Variants in GNG7 observed in about 807,000 individuals in gnomAD.
GNG7 encodes G protein subunit gamma 7.
In GNG7, 1 loss-of-function variant was observed where a neutral mutation model predicts 4.0. The ratio of observed to expected loss-of-function variants is 0.25; its 90% confidence interval spans 0.09 to 1.18. The LOEUF (loss-of-function observed/expected upper bound fraction) is 1.18, where lower values mean the gene tolerates loss of function less well. GNG7 is among the 50% of genes most tolerant of loss of function. The pLI is 0.50. For synonymous variants in GNG7, 34 were observed against 36.9 expected (o/e 0.92, Z 0.29); for missense variants, 86 against 91.9 (o/e 0.94, Z 0.26).
rs938145487 is a variant in GNG7, at chr19:2,546,751, G to A, written c.-38+8398C>T. 3.9e-5 allele frequency among the ~76,000 whole-genome samples: 6 copies of A among 152,278 alleles called. No individual in the cohort carries two copies. The highest frequency in any genetic ancestry group is 3.9e-4 in the East Asian group (2 of 5,176). On this transcript the variant is annotated intron_variant, in intron 3 of 4. Coordinates refer to ENST00000382159, the MANE Select transcript of GNG7 (RefSeq NM_052847.3). The surrounding 1 kb of genome is among the most constrained non-coding windows in gnomAD (Gnocchi z 6.3). Reference sequence around the variant, plus strand: ...GTGTGGGTTTGGTCGCCGCGGTGACGGGAGCAGGAGAAAAGAAAAGCTGCT... The same window carrying A: ...GTGTGGGTTTGGTCGCCGCGGTGACAGGAGCAGGAGAAAAGAAAAGCTGCT...
At chr19:2,686,483 C>T (rs1291361213) in intron 1 of GNG7, among the ~76,000 whole-genome samples, 17 of 151,932 alleles carry the variant, frequency 1.1e-4, no homozygotes. Context: ...AAAAATGTTG[C>T]ATCTCAGGCA....
At chr19:2,591,963 G>A (rs1167919838) in intron 2 of GNG7, among the ~76,000 whole-genome samples, 2 of 152,278 alleles carry the variant, frequency 1.3e-5, no homozygotes, top group East Asian at 1.9e-4. Context: ...GGGGGAACTG[G>A]CATTTTCACT....
In GNG7 at chr19:2,557,320, CAT is replaced by C. The variant is rs200785949; in HGVS notation, c.-77-2134_-77-2133del. Among the ~76,000 whole-genome samples the C allele has an allele frequency of 0.013, 1,768 of 139,426 alleles. 94 individuals carry two copies. The highest frequency in any genetic ancestry group is 0.089 in the Admixed American group (1,228 of 13,854). The allele number at this position is 139,426 out of a possible 152,430, so 91.5% of individuals were successfully genotyped here. ...AGGTGCACATACACGCACAGACACA[CAT>C]GTGCACACAGACACACACATGTGCA... is the stretch of plus-strand genomic sequence containing the variant. On this transcript the variant is annotated intron_variant, in intron 2 of 4. Transcript: ENST00000382159. This position sits in a 1 kb window ranked among gnomAD's most constrained non-coding sequence, Gnocchi z 5.1.
chr19:2,701,900 A>G (rs1913409965), intron 1 of GNG7, among the ~76,000 whole-genome samples: 1 of 139,950 alleles, frequency 7.1e-6, no homozygotes, highest in Admixed American at 7.2e-5. Flanking sequence ...CTCGACCTAC[A>G]ATTCCAGCCC....
At chr19:2,538,021 G>A in intron 3 of GNG7, 1 of 410,468 alleles carries the variant, frequency 2.4e-6, no homozygotes. Context: ...AGGCTGTAGT[G>A]AGCTATGATT....
At chr19:2,524,795 T>C (rs572834302) in intron 3 of GNG7, among the ~76,000 whole-genome samples, 12 of 152,358 alleles carry the variant, frequency 7.9e-5, no homozygotes, top group African/African-American at 2.9e-4. Flanking sequence ...TGTGTGGGCA[T>C]GCATGTCACT....
chr19:2,609,844 C>T lies in GNG7; in HGVS notation c.-78+36380G>A, dbSNP rs1013439458. Reference sequence around the variant, plus strand: ...TGCCTCTGGGCCATTGGGGGACCCTCGGTGAGCCAGTGAACTCAGTGCACT... The same window carrying T: ...TGCCTCTGGGCCATTGGGGGACCCTTGGTGAGCCAGTGAACTCAGTGCACT... On this transcript the variant is annotated intron_variant, in intron 2 of 4. Transcript: ENST00000382159. The surrounding 1 kb of genome is among the most constrained non-coding windows in gnomAD (Gnocchi z 4.4). Among the ~76,000 whole-genome samples, 15 of 152,178 alleles carry T rather than the reference C, an allele frequency of 9.9e-5. No individual in the cohort carries two copies. Among genetic ancestry groups the T allele is most frequent in the African/African-American group, 2.7e-4 (11 of 41,434 alleles).
intron 1 of GNG7, among the ~76,000 whole-genome samples, chr19:2,678,796 A>C (rs970103201): frequency 1.3e-4 from 20 of 151,868 alleles, no homozygotes; most frequent in African/African-American, 4.8e-4. Context: ...CCAGGTCTAC[A>C]CCCCATGCCA....
intron 1 of GNG7, among the ~76,000 whole-genome samples, chr19:2,675,504 G>A (rs774663429): frequency 2.0e-5 from 3 of 152,182 alleles, no homozygotes; most frequent in Non-Finnish European, 4.4e-5. Flanking sequence ...TAGCAAACCA[G>A]GCTGGTTAAA....
At chr19:2,515,570 T>C (rs1430294512) in intron 4 of GNG7, among the ~76,000 whole-genome samples, 2 of 151,970 alleles carry the variant, frequency 1.3e-5, no homozygotes, top group East Asian at 3.9e-4. Flanking sequence ...TGGGATTACC[T>C]TCATGCACCA....
intron 2 of GNG7, among the ~76,000 whole-genome samples, chr19:2,628,477 C>CCCCTT (rs1202160824): frequency 4.6e-5 from 7 of 151,776 alleles, no homozygotes; most frequent in Non-Finnish European, 1.0e-4. Flanking sequence ...AGGCAAGAAA[C>CCCCTT]CCCTTCCCTT....
rs559058939 is a variant in GNG7, at chr19:2,653,266, G to A, written c.-134-6986C>T. Among the ~76,000 whole-genome samples the A allele has an allele frequency of 3.1e-4, 47 of 152,262 alleles. No individual in the cohort carries two copies. In the South Asian group the frequency reaches 5.2e-3, roughly 17 times the overall value. ...TTATAGCCCAGTATCTCCAAGCAGC[G>A]CCCAAGGACACAAACAGCCAGACCC... On this transcript the variant is annotated intron_variant, in intron 1 of 4. Coordinates refer to ENST00000382159, the MANE Select transcript of GNG7 (RefSeq NM_052847.3). This position sits in a 1 kb window ranked among gnomAD's most constrained non-coding sequence, Gnocchi z 4.8.
intron 1 of GNG7, among the ~76,000 whole-genome samples, chr19:2,675,586 G>C (rs547539614): frequency 6.6e-6 from 1 of 152,318 alleles, no homozygotes; most frequent in African/African-American, 2.4e-5. Flanking sequence ...ACCTAAATTG[G>C]CTCCTATGAG....
At chr19:2,701,829 CA>C (rs1305455149) in intron 1 of GNG7, among the ~76,000 whole-genome samples, 5 of 151,650 alleles carry the variant, frequency 3.3e-5, no homozygotes, top group Non-Finnish European at 7.4e-5. Flanking sequence ...ACACCATCCC[CA>C]GCGTCCTCCC....
intron 3 of GNG7, among the ~76,000 whole-genome samples, chr19:2,549,436 G>A (rs547330880): frequency 1.1e-4 from 17 of 151,958 alleles, no homozygotes; most frequent in South Asian, 6.3e-4. Flanking sequence ...GATTACAGGC[G>A]CCCGCCACCG....
intron 2 of GNG7, among the ~76,000 whole-genome samples, chr19:2,612,696 T>C (rs988966006): frequency 6.7e-6 from 1 of 150,296 alleles, no homozygotes; most frequent in African/African-American, 2.5e-5. Flanking sequence ...ATTTTTTTTT[T>C]TTTTTGAGAA....
chr19:2,661,296 AAGAAAG>A (rs753378104), intron 1 of GNG7, among the ~76,000 whole-genome samples: 2,294 of 58,532 alleles, frequency 0.039, 131 homozygotes, highest in East Asian at 0.097. Context: ...GAAAGAAAGA[AAGAAAG>A]AGAAAGAAAG....
At chr19:2,543,829 G>C (rs562366889) in intron 3 of GNG7, among the ~76,000 whole-genome samples, 67 of 152,080 alleles carry the variant, frequency 4.4e-4, no homozygotes, top group Non-Finnish European at 2.8e-4. Flanking sequence ...AGTCAGCCCC[G>C]GGGGAAGGTG....
At chr19:2,685,115 A>C (rs1007086029) in intron 1 of GNG7, among the ~76,000 whole-genome samples, 5 of 149,408 alleles carry the variant, frequency 3.3e-5, no homozygotes, top group African/African-American at 9.9e-5. Flanking sequence ...CAAGAGCGAG[A>C]CTCTGTCTAA....
Sources: allele counts gnomAD v4.1 joint callset (sites outside exome capture counted in the v4.1 genomes callset), GRCh38; gene constraint gnomAD v4.1.1; non-coding constraint Gnocchi (gnomAD v3.1); transcripts MANE v1.5; gene names NCBI Gene and HGNC (gene_info 2026-07-23, HGNC 2026-07-21).